Variants in GAREM2 observed in about 807,000 individuals in gnomAD.
GAREM2 encodes the protein GRB2 associated regulator of MAPK1 subtype 2.
A neutral mutation model predicts 55.6 loss-of-function variants in GAREM2; 30 were observed. That is an observed-to-expected ratio of 0.54 (90% CI 0.40 to 0.73). The LOEUF is 0.73. Ranked by LOEUF, GAREM2 falls within the 30% of genes least tolerant of loss-of-function variation. The pLI is 0.00. For synonymous variants in GAREM2, 550 were observed against 569.1 expected (o/e 0.97, Z 0.48); for missense variants, 1,075 against 1,257.7 (o/e 0.85, Z 2.20).
At chr2:26,199,017 C>G in the GAREM2 span, among the ~76,000 whole-genome samples, 2 of 152,044 alleles carry the variant, frequency 1.3e-5, no homozygotes, top group African/African-American at 4.8e-5. Context: ...GCCTCAGCCT[C>G]CCGAGTAGCT....
downstream of GAREM2, chr2:26,191,272 G>A (rs750593748): frequency 1.2e-6 from 2 of 1,612,690 alleles, no homozygotes; most frequent in Non-Finnish European, 8.5e-7. Flanking sequence ...CTTCTTGTTA[G>A]GGCTGTTAGC....
Position 26,186,171 on chromosome 2 carries a change from A to T in GAREM2, c.1429-18A>T, listed in dbSNP as rs1404741664. 6.7e-7 allele frequency: 1 copy of T among 1,482,204 alleles called. No homozygotes were observed. The highest frequency in any genetic ancestry group is 1.4e-5 in the African/African-American group (1 of 70,726). The allele number at this position is 1,482,204 out of a possible 1,614,324, so 91.8% of individuals were successfully genotyped here. ...AGCTGTTTGGAGTCGAGGTGGAGTC[A>T]CCGCCCTCTGCTTGTAGGTGAAGGA... On this transcript the variant is annotated intron_variant, in intron 4 of 5. Transcript: ENST00000401533.
rs1401400905 is a variant in GAREM2 at position 26,188,302 on chromosome 2, C to A, written c.*45C>A. 5.7e-6 allele frequency: 8 copies of A among 1,397,492 alleles called. No individual in the cohort carries two copies. Among genetic ancestry groups the A allele is most frequent in the Non-Finnish European group, 6.6e-6 (7 of 1,063,660 alleles). 86.6% of individuals were successfully genotyped at this position (1,397,492 alleles called of 1,614,324 possible). A position where few individuals can be genotyped will look rare whatever the true frequency, so the allele number is the denominator to read the frequency against. ...ACAGCTGGAATGCTGGTATGGGGGC[C>A]CCAGGTACAGCACTCCGGAGGAGCA... On this transcript the variant is annotated 3_prime_UTR_variant, in exon 6 of 6. Transcript: ENST00000401533.
At chr2:26,186,390 C>G (rs1463819474) in intron 5 of GAREM2, 32 bp downstream of exon 5, 8 of 1,543,900 alleles carry the variant, frequency 5.2e-6, no homozygotes, top group Non-Finnish European at 7.0e-6. Flanking sequence ...GTCCTGAGTT[C>G]TAAGGTAGAT....
rs114308539 is a variant in GAREM2 at position 26,182,565 on chromosome 2, G to A, written c.254-402G>A. 8.2e-3 allele frequency: 11,556 copies of A among 1,412,362 alleles called. 110 individuals are homozygous for A. Among genetic ancestry groups the A allele is most frequent in the Middle Eastern group, 0.025 (140 of 5,704 alleles). The allele number at this position is 1,412,362 out of a possible 1,614,324, so 87.5% of individuals were successfully genotyped here. On this transcript the variant is annotated intron_variant, in intron 2 of 5. Coordinates refer to ENST00000401533, the MANE Select transcript of GAREM2 (RefSeq NM_001168241.2). ...GAGGCCCAGAGAGGGAAAGGAACTTGTCACGGCAAGTCAGAGGTCAGGCTG... is the reference window on the plus strand; with the variant it reads ...GAGGCCCAGAGAGGGAAAGGAACTTATCACGGCAAGTCAGAGGTCAGGCTG...
At chr2:26,190,337 T>C (rs1574599217), downstream of GAREM2, among the ~76,000 whole-genome samples, 1 of 152,176 alleles carries the variant, frequency 6.6e-6, no homozygotes, top group Non-Finnish European at 1.5e-5. Context: ...CCAGTGCTGT[T>C]TACCCAGACT....
At chr2:26,191,648 T>C (rs1669508631), downstream of GAREM2, 1 of 1,613,222 alleles carries the variant, frequency 6.2e-7, no homozygotes, top group Non-Finnish European at 8.5e-7. Flanking sequence ...GAAAGAGATG[T>C]TTAGGTAGAA....
downstream of GAREM2, chr2:26,193,509 T>C (rs943412805): frequency 1.6e-6 from 2 of 1,283,094 alleles, no homozygotes; most frequent in Admixed American, 3.4e-5. Flanking sequence ...CTGTAACTCT[T>C]TGGTCTCAGG....
At chr2:26,174,040 G>A (rs1050410904) in intron 1 of GAREM2, among the ~76,000 whole-genome samples, 2 of 152,340 alleles carry the variant, frequency 1.3e-5, no homozygotes, top group Admixed American at 1.3e-4. Context: ...CGTTTGGGGG[G>A]AGGGGGGTGC....
chr2:26,187,114 G>A, intron 5 of GAREM2, 117 bp from the exon 6 acceptor site: 1 of 1,299,980 alleles, frequency 7.7e-7, no homozygotes, highest in Non-Finnish European at 9.7e-7. Context: ...TGGGGCTGGG[G>A]TGCAGGCCCG....
chr2:26,174,674 T>C (rs1287205656), intron 1 of GAREM2, among the ~76,000 whole-genome samples: 3 of 152,250 alleles, frequency 2.0e-5, no homozygotes, highest in Non-Finnish European at 4.4e-5. Context: ...CTGTCTGTTG[T>C]GTGTGACAGT....
chr2:26,194,770 T>C, the GAREM2 span: 107 of 738,194 alleles, frequency 1.4e-4, no homozygotes, highest in African/African-American at 1.5e-3. Flanking sequence ...AAAATCTCAA[T>C]CAGAATCCTT....
At chr2:26,204,214 A>G in the GAREM2 span, 1 of 1,613,236 alleles carries the variant, frequency 6.2e-7, no homozygotes, top group Non-Finnish European at 8.5e-7. Context: ...GCAAGGATGA[A>G]ATGACTTTCG....
downstream of GAREM2, chr2:26,193,829 G>T: frequency 7.2e-7 from 1 of 1,386,362 alleles, no homozygotes; most frequent in South Asian, 1.2e-5. Context: ...TCCCCCCAAA[G>T]GGCTCCCTGT....
At chr2:26,191,596 A>G (rs749316549), downstream of GAREM2, 49 of 1,614,010 alleles carry the variant, frequency 3.0e-5, no homozygotes, top group Non-Finnish European at 4.2e-5. Flanking sequence ...AAATCTTGTC[A>G]CCAGGCGGAA....
At position 26,184,904 on chromosome 2, in the gene GAREM2, C is replaced by A; in HGVS notation, c.1056C>A (p.Phe352Leu). The A allele has an allele frequency of 6.9e-7, 1 of 1,449,742 alleles. No individual in the cohort carries two copies. The highest frequency in any genetic ancestry group is 2.8e-5 in the Admixed American group (1 of 36,008). The allele number at this position is 1,449,742 out of a possible 1,614,324, so 89.8% of individuals were successfully genotyped here. ...GCGCCTCCTACTGCCGCGAGCGCTTCGACCCCGACGAGTACTCCACGGCCG... is the reference window on the plus strand; with the variant it reads ...GCGCCTCCTACTGCCGCGAGCGCTTAGACCCCGACGAGTACTCCACGGCCG... ...RDSASYCRER[F>L]DPDEYSTAVR... The change falls in exon 4 of 6, where the codon TTC (phenylalanine) becomes TTA (leucine). Residue 352 changes from phenylalanine (F) to leucine (L), a missense_variant. Phe to Leu is a conservative substitution (Grantham distance 22). Coordinates refer to ENST00000401533, the MANE Select transcript of GAREM2 (RefSeq NM_001168241.2).
At chr2:26,193,883 T>C (rs1180577600), downstream of GAREM2, 1 of 829,108 alleles carries the variant, frequency 1.2e-6, no homozygotes, top group Non-Finnish European at 2.1e-6. Context: ...CTTCTGAGTG[T>C]CACCTGACCA....
chr2:26,192,069 C>G (rs200032312), downstream of GAREM2, among the ~76,000 whole-genome samples: 1 of 152,070 alleles, frequency 6.6e-6, no homozygotes, highest in Non-Finnish European at 1.5e-5. Flanking sequence ...GGAGCACGTG[C>G]GAGGGCCTTC....
intron 2 of GAREM2, chr2:26,181,478 G>C (rs567228146): frequency 6.6e-6 from 1 of 152,154 alleles, no homozygotes; most frequent in Non-Finnish European, 1.5e-5. Context: ...CAAGTCTGTT[G>C]TAGCACTTAT....
Sources: gnomAD v4.1 joint callset for allele counts (sites outside exome capture counted in the v4.1 genomes callset) on GRCh38, gnomAD v4.1.1 for gene constraint, MANE v1.5 for transcripts, NCBI Gene and HGNC (gene_info 2026-07-23, HGNC 2026-07-21) for gene names.